The following ADCY5 variants were observed in gnomAD, a reference collection of about 807,000 sequenced individuals.
ADCY5 encodes adenylate cyclase 5, also known as adenylate cyclase type 5.
In ADCY5, 30 loss-of-function variants were observed where a neutral mutation model predicts 119.7. The observed-to-expected ratio is 0.25, with a 90% CI of 0.19 to 0.34. The LOEUF (loss-of-function observed/expected upper bound fraction) is 0.34. Ranked by LOEUF, ADCY5 falls within the 10% of genes least tolerant of loss-of-function variation. The pLI is 1.00. For missense variants in ADCY5, 1,324 were observed against 1,775.2 expected (o/e 0.75, Z 4.57); for synonymous variants, 753 against 762.2 (o/e 0.99, Z 0.20).
intron 12 of ADCY5, among the ~76,000 whole-genome samples, chr3:123,309,565 C>G (rs1311356834): frequency 6.6e-6 from 1 of 152,182 alleles, no homozygotes; most frequent in Non-Finnish European, 1.5e-5. Context: ...GCAAAGCAGA[C>G]TCAATAAAAG....
At position 123,447,469 on chromosome 3, in the gene ADCY5, G is replaced by A. The variant is rs986314659; in HGVS notation, c.1077C>T (p.Ala359=). 2 of 1,610,554 alleles carry A rather than the reference G, an allele frequency of 1.2e-6. No individual in the cohort carries two copies. The highest frequency in any genetic ancestry group is 1.1e-5 in the South Asian group (1 of 90,586). Residue 359 remains alanine, a synonymous_variant, in exon 1 of 21, where the codon GCC becomes GCT. Transcript: ENST00000462833. ...AAVLSGVLLS[A]LHLAIALRTN... is the part of the protein sequence containing the mutation. ...TGCGCAGGGCGATGGCCAGGTGGAG[G>A]GCGGACAGGAGCACCCCGCTGAGCA...
chr3:123,428,100 C>A (rs990993622), intron 1 of ADCY5, among the ~76,000 whole-genome samples: 1 of 152,198 alleles, frequency 6.6e-6, no homozygotes, highest in African/African-American at 2.4e-5. Flanking sequence ...ATGTGAGAAC[C>A]ATGCGCCACC....
At chr3:123,437,837 T>G (rs933724924) in intron 1 of ADCY5, among the ~76,000 whole-genome samples, 4 of 152,252 alleles carry the variant, frequency 2.6e-5, no homozygotes, top group African/African-American at 7.2e-5. Flanking sequence ...CAAGGGTCAT[T>G]GTGCAGACCC....
At chr3:123,443,153 G>A (rs1945751708) in intron 1 of ADCY5, among the ~76,000 whole-genome samples, 1 of 152,198 alleles carries the variant, frequency 6.6e-6, no homozygotes, top group African/African-American at 2.4e-5. Context: ...GAGCAAGGTG[G>A]CAGCTCTTCA....
intron 12 of ADCY5, among the ~76,000 whole-genome samples, chr3:123,312,944 G>A (rs1413708398): frequency 7.1e-6 from 1 of 140,440 alleles, no homozygotes; most frequent in Non-Finnish European, 1.5e-5. Flanking sequence ...CCAAAAGGCA[G>A]GAGTGGCTGA....
chr3:123,384,338 C>A (rs1285502710), intron 1 of ADCY5, among the ~76,000 whole-genome samples: 2 of 152,208 alleles, frequency 1.3e-5, no homozygotes, highest in Non-Finnish European at 2.9e-5. Context: ...AATCTTCCAA[C>A]CCAGGGGAAC....
rs751167282 is a variant in ADCY5 at position 123,448,131 on chromosome 3, A to AGCC, written c.412_414dup (p.Gly138dup). 6.8e-6 allele frequency: 7 copies of AGCC among 1,032,876 alleles called. No homozygotes were observed. The highest frequency in any genetic ancestry group is 4.4e-5 in the South Asian group (1 of 22,860). 64.0% of individuals were successfully genotyped at this position (1,032,876 alleles called of 1,614,324 possible). A position where few individuals can be genotyped will look rare whatever the true frequency, so the allele number is the denominator to read the frequency against. On this transcript the variant is annotated inframe_insertion, in exon 1 of 21. Coordinates refer to ENST00000462833, the MANE Select transcript of ADCY5 (RefSeq NM_183357.3). ...CCCGCCGAGGCAGCCGCCGCCGCCGAGCCGCCGCCGCCGCCCGCAGGGGGC... is the reference window on the plus strand; with the variant it reads ...CCCGCCGAGGCAGCCGCCGCCGCCGAGCCGCCGCCGCCGCCGCCCGCAGGGGGC...
intron 1 of ADCY5, among the ~76,000 whole-genome samples, chr3:123,421,772 G>A (rs966531004): frequency 6.6e-6 from 1 of 152,152 alleles, no homozygotes; most frequent in African/African-American, 2.4e-5. Flanking sequence ...CCACTGCTAT[G>A]CTATAGTGGA....
chr3:123,447,630 T>A lies in ADCY5; in HGVS notation c.916A>T (p.Ile306Phe), dbSNP rs1445598991. 6.2e-7 allele frequency: 1 copy of A among 1,608,838 alleles called. No homozygotes were observed. The highest frequency in any genetic ancestry group is 8.5e-7 in the Non-Finnish European group (1 of 1,178,596). ...ACCTGGACGGCCAGCACCACGGCGATGAGCGCATAGCAGGCCAGGCCCATG... is the reference window on the plus strand; with the variant it reads ...ACCTGGACGGCCAGCACCACGGCGAAGAGCGCATAGCAGGCCAGGCCCATG... ...DHMGLACYAL[I>F]AVVLAVQVVG... is the part of the protein sequence containing the mutation. Residue 306 changes from isoleucine (I) to phenylalanine (F), a missense_variant, in exon 1 of 21, where the codon ATC becomes TTC. Coordinates refer to ENST00000462833, the MANE Select transcript of ADCY5 (RefSeq NM_183357.3).
intron 1 of ADCY5, among the ~76,000 whole-genome samples, chr3:123,375,871 T>C (rs1943811831): frequency 6.6e-6 from 1 of 152,114 alleles, no homozygotes; most frequent in Admixed American, 6.5e-5. Context: ...TCTGTCCTAC[T>C]ATTCTAGTGA....
chr3:123,371,436 C>T (rs1210554588), intron 1 of ADCY5, among the ~76,000 whole-genome samples: 1 of 152,232 alleles, frequency 6.6e-6, no homozygotes, highest in Non-Finnish European at 1.5e-5. Flanking sequence ...TCCAACCAGT[C>T]GATCGCAGTC....
intron 1 of ADCY5, among the ~76,000 whole-genome samples, chr3:123,439,513 TATTA>T (rs1327187501): frequency 1.3e-5 from 2 of 152,260 alleles, no homozygotes; most frequent in African/African-American, 2.4e-5. Flanking sequence ...TCTATTGTAT[TATTA>T]ATTATTGTTA....
At chr3:123,332,143 C>T (rs566208589) in intron 4 of ADCY5, among the ~76,000 whole-genome samples, 121 of 152,326 alleles carry the variant, frequency 7.9e-4, no homozygotes, top group African/African-American at 2.8e-3. Flanking sequence ...CGCCTGCAGG[C>T]CAGCTGGGGA....
intron 1 of ADCY5, among the ~76,000 whole-genome samples, chr3:123,391,075 C>G (rs1299154039): frequency 6.6e-6 from 1 of 152,238 alleles, no homozygotes; most frequent in Non-Finnish European, 1.5e-5. Context: ...TGGGGGCCGC[C>G]CAGCACACCT....
intron 1 of ADCY5, among the ~76,000 whole-genome samples, chr3:123,357,948 T>A (rs1222473497): frequency 7.2e-5 from 11 of 152,144 alleles, no homozygotes. Context: ...AGTGATCAAA[T>A]AATGAGCCCC....
chr3:123,306,410 C>G (rs1056248839), intron 12 of ADCY5, among the ~76,000 whole-genome samples: 2 of 152,068 alleles, frequency 1.3e-5, no homozygotes, highest in African/African-American at 4.8e-5. Flanking sequence ...AATGTAAAAG[C>G]CAAAACTACA....
intron 12 of ADCY5, among the ~76,000 whole-genome samples, chr3:123,304,536 C>T (rs1238044243): frequency 6.6e-6 from 1 of 152,104 alleles, no homozygotes; most frequent in Non-Finnish European, 1.5e-5. Context: ...CGGTGGGTGG[C>T]AGCTGAGGAG....
At chr3:123,293,664 C>T (rs1376947757) in intron 17 of ADCY5, among the ~76,000 whole-genome samples, 1 of 152,054 alleles carries the variant, frequency 6.6e-6, no homozygotes, top group Admixed American at 6.5e-5. Flanking sequence ...CCAGAGATGA[C>T]ATTGCAAGCA....
intron 12 of ADCY5, among the ~76,000 whole-genome samples, chr3:123,304,609 G>A (rs1004829702): frequency 1.3e-5 from 2 of 152,106 alleles, no homozygotes; most frequent in Non-Finnish European, 2.9e-5. Context: ...AGTGGGCAGC[G>A]GTGAGTTTAA....
Sources: gnomAD v4.1 joint callset for allele counts (sites outside exome capture counted in the v4.1 genomes callset) on GRCh38, gnomAD v4.1.1 for gene constraint, MANE v1.5 for transcripts, NCBI Gene and HGNC (gene_info 2026-07-23, HGNC 2026-07-21) for gene names.